The following MIA3 variants were observed in gnomAD, a reference collection of about 807,000 sequenced individuals.
The protein encoded by MIA3 is MIA SH3 domain ER export factor 3, also known as transport and Golgi organization protein 1 homolog.
A neutral mutation model predicts 192.4 loss-of-function variants in MIA3; 90 were observed. The ratio of observed to expected loss-of-function variants is 0.47; its 90% confidence interval spans 0.39 to 0.56. The LOEUF (loss-of-function observed/expected upper bound fraction) is 0.56. Among genes scored for constraint, MIA3 ranks in the 20% least tolerant of loss-of-function variants. The pLI, the probability that MIA3 is intolerant of heterozygous loss-of-function variation, is 0.00. For synonymous variants in MIA3, 740 were observed against 792.8 expected (o/e 0.93, Z 1.12); for missense variants, 2,123 against 2,269.4 (o/e 0.94, Z 1.31).
chr1:222,667,275 A>AAAT lies in MIA3; in HGVS notation c.*1657_*1659dup, dbSNP rs1415433310. On this transcript the variant is annotated 3_prime_UTR_variant, in exon 28 of 28. Coordinates refer to ENST00000344922, the MANE Select transcript of MIA3 (RefSeq NM_198551.4). ...TCCCGTTTAATATCAAGAATAGAAG[A>AAAT]AATTAAGAGGAAAACTCCACAGAAG... is the stretch of plus-strand genomic sequence containing the variant. The AAAT allele has an allele frequency of 6.6e-6, 1 of 152,206 alleles. No homozygotes were observed. Among genetic ancestry groups the AAAT allele is most frequent in the Non-Finnish European group, 1.5e-5 (1 of 68,010 alleles). 9.4% of individuals were successfully genotyped at this position (152,206 alleles called of 1,614,324 possible). A position where few individuals can be genotyped will look rare whatever the true frequency, so the allele number is the denominator to read the frequency against.
intron 3 of MIA3, among the ~76,000 whole-genome samples, 161 bp downstream of exon 3, chr1:222,625,015 CTT>C (rs566044781): frequency 2.1e-5 from 3 of 145,918 alleles, no homozygotes; most frequent in Admixed American, 6.9e-5. Flanking sequence ...GCTATGTACT[CTT>C]TTTTTTTTTT....
rs75351629 is a variant in MIA3, at chr1:222,629,990, C to A, written c.2770C>A (p.Leu924Ile). 1.4e-4 allele frequency: 221 copies of A among 1,614,108 alleles called. No individual in the cohort carries two copies. In the African/African-American group the frequency reaches 2.8e-3, roughly 20 times the overall value. ...PGHSDKREDL[L>I]IISSFFKEQQ... ...GCATAGTGACAAGAGGGAGGACTTA[C>A]TTATCATAAGCAGCTTCTTTAAAGA... Residue 924 changes from leucine to isoleucine, a missense_variant, in exon 4 of 28, where the codon CTT (leucine) becomes ATT (isoleucine). Physicochemically the swap from Leu to Ile is conservative, Grantham distance 5. This residue lies in a region of MIA3 where 1,357 missense variants were observed against 1,396.1 expected (regional missense o/e 0.97). Coordinates refer to ENST00000344922, the MANE Select transcript of MIA3 (RefSeq NM_198551.4).
Position 222,633,221 on chromosome 1 carries a change from A to G in MIA3, c.3449A>G (p.Tyr1150Cys). 6.2e-7 allele frequency: 1 copy of G among 1,610,100 alleles called. No homozygotes were observed. The highest frequency in any genetic ancestry group is 8.5e-7 in the Non-Finnish European group (1 of 1,178,710). The change falls in exon 6 of 28, where the codon TAT becomes TGT. Residue 1150 changes from tyrosine (Y) to cysteine (C), a missense_variant. This residue lies in a region of MIA3 where 1,357 missense variants were observed against 1,396.1 expected (regional missense o/e 0.97). Transcript: ENST00000344922. ...TPLENAILLI[Y>C]SFMFYLTKSL... ...TTGGAAAACGCAATCCTTCTAATATATTCATTCATGTTTTATTTAACTAAG... is the reference window on the plus strand; with the variant it reads ...TTGGAAAACGCAATCCTTCTAATATGTTCATTCATGTTTTATTTAACTAAG...
At chr1:222,640,389 A>T (rs1314812689) in intron 6 of MIA3, among the ~76,000 whole-genome samples, 1 of 152,134 alleles carries the variant, frequency 6.6e-6, no homozygotes. Flanking sequence ...TAATTTCAAG[A>T]CTTACTATAA....
Position 222,665,628 on chromosome 1 carries a change from C to A in MIA3, c.*9C>A, listed in dbSNP as rs749795324. The A allele has an allele frequency of 6.4e-7, 1 of 1,553,714 alleles. No homozygotes were observed. Among genetic ancestry groups the A allele is most frequent in the South Asian group, 1.2e-5 (1 of 82,794 alleles). ...TAAAACAGAGCCCATAAAACTATGA[C>A]CTCTGAGGTTTCATTGGAAAGAAAG... On this transcript the variant is annotated 3_prime_UTR_variant, in exon 28 of 28. Coordinates refer to ENST00000344922, the MANE Select transcript of MIA3 (RefSeq NM_198551.4).
At chr1:222,619,065 G>A (rs1479812232) in intron 1 of MIA3, among the ~76,000 whole-genome samples, 1 of 152,196 alleles carries the variant, frequency 6.6e-6, no homozygotes, top group Admixed American at 6.5e-5. Flanking sequence ...TCTTCTGTGC[G>A]CAGGAAGCGG....
rs1662035406 is a variant in MIA3 at position 222,624,810 on chromosome 1, G to A, written c.310G>A (p.Val104Ile). Residue 104 changes from valine to isoleucine, a missense_variant, in exon 3 of 28, where the codon GTA (valine) becomes ATA (isoleucine). Val to Ile is a conservative substitution (Grantham distance 29). Transcript: ENST00000344922. ...ATATTTTCCAAAAGATTTAATCCAGGTAGTTCATGAATATACCAAAGAAGA... is the reference window on the plus strand; with the variant it reads ...ATATTTTCCAAAAGATTTAATCCAGATAGTTCATGAATATACCAAAGAAGA... Reference protein sequence around the residue: ...FGYFPKDLIQVVHEYTKEELQ... With the variant: ...FGYFPKDLIQIVHEYTKEELQ... The A allele has an allele frequency of 1.2e-6, 2 of 1,603,092 alleles. No homozygotes were observed. Among genetic ancestry groups the A allele is most frequent in the East Asian group, 4.5e-5 (2 of 44,682 alleles).
intron 3 of MIA3, among the ~76,000 whole-genome samples, chr1:222,625,761 G>A (rs1434799178): frequency 6.6e-6 from 1 of 150,980 alleles, no homozygotes; most frequent in Non-Finnish European, 1.5e-5. Context: ...TTTTGAGACA[G>A]AGTCTCTCTC....
chr1:222,632,062 T>C lies in MIA3; in HGVS notation c.3170-103T>C. The C allele has an allele frequency of 3.2e-6, 3 of 950,196 alleles. No individual in the cohort carries two copies. In the South Asian group the frequency reaches 5.4e-5, roughly 17 times the overall value. 58.9% of individuals were successfully genotyped at this position (950,196 alleles called of 1,614,324 possible). A position where few individuals can be genotyped will look rare whatever the true frequency, so the allele number is the denominator to read the frequency against. ...CCAGTTGTGCTCCATGGGATGCCCA[T>C]GCATGGAGGTCAATGTTGAGGTGCC... is the stretch of plus-strand genomic sequence containing the variant. On this transcript the variant is annotated intron_variant, in intron 4 of 27. Coordinates refer to ENST00000344922, the MANE Select transcript of MIA3 (RefSeq NM_198551.4).
chr1:222,636,565 T>G (rs1662634691), intron 6 of MIA3, among the ~76,000 whole-genome samples: 2 of 143,342 alleles, frequency 1.4e-5, no homozygotes, highest in Non-Finnish European at 3.0e-5. Flanking sequence ...CAGGCTAGAG[T>G]GCTGCGGTGC....
chr1:222,656,838 C>T (rs371381752), intron 18 of MIA3, among the ~76,000 whole-genome samples: 1 of 152,206 alleles, frequency 6.6e-6, no homozygotes, highest in South Asian at 2.1e-4. Context: ...GTTGTCTAAT[C>T]TGCTAAAATC....
In MIA3 at chr1:222,627,705, T is replaced by A; in HGVS notation, c.485T>A (p.Leu162Ter). ...TCTGAGAAAGCTGTAGAAAAAACTT[T>A]ACAGGATATGGAAAAAAACCCTGAA... ...TDSEKAVEKT[L>*]QDMEKNPELS... Residue 162 changes from leucine to a stop codon, truncating the protein, a stop_gained, in exon 4 of 28, where the codon TTA (leucine) becomes TAA (stop). Coordinates refer to ENST00000344922, the MANE Select transcript of MIA3 (RefSeq NM_198551.4). LOFTEE classifies it high-confidence loss of function. 1 of 1,613,788 alleles carries A rather than the reference T, an allele frequency of 6.2e-7. No individual in the cohort carries two copies. Among genetic ancestry groups the A allele is most frequent in the Non-Finnish European group, 8.5e-7 (1 of 1,179,968 alleles).
chr1:222,631,236 C>T (rs1029575167), intron 4 of MIA3, among the ~76,000 whole-genome samples: 2 of 152,012 alleles, frequency 1.3e-5, no homozygotes, highest in African/African-American at 4.8e-5. Flanking sequence ...AACCTCCCAT[C>T]TCAGCCTCCT....
intron 26 of MIA3, chr1:222,662,957 C>G (rs1265252736): frequency 1.3e-5 from 2 of 154,646 alleles, no homozygotes; most frequent in African/African-American, 4.8e-5. Flanking sequence ...ACCCGTTGAG[C>G]CAGTTCCCAG....
At position 222,634,918 on chromosome 1, in the gene MIA3, T is replaced by C. The variant is rs1319622952; in HGVS notation, c.3477+1669T>C. 2.0e-5 allele frequency among the ~76,000 whole-genome samples: 3 copies of C among 152,344 alleles called. No homozygotes were observed. The East Asian group carries it at 5.8e-4, about 29-fold the overall frequency. Reference sequence around the variant, plus strand: ...TCTGAAAAATTTAGATAATACATACTCCAATTGTTGGTAAGAATTAAATGA... The same window carrying C: ...TCTGAAAAATTTAGATAATACATACCCCAATTGTTGGTAAGAATTAAATGA... On this transcript the variant is annotated intron_variant, in intron 6 of 27. Coordinates refer to ENST00000344922, the MANE Select transcript of MIA3 (RefSeq NM_198551.4).
chr1:222,663,053 C>T (rs1664103374), intron 26 of MIA3: 1 of 152,180 alleles, frequency 6.6e-6, no homozygotes, highest in East Asian at 1.9e-4. Context: ...GATCATACCT[C>T]ACTGTGATTC....
At position 222,652,326 on chromosome 1, in the gene MIA3, A is replaced by G; in HGVS notation, c.4080A>G (p.Lys1360=). The part of the protein sequence containing the change: ...QEENARLKKK[K]EQLQQEIEDW... ...AAAATGCTAGGCTTAAGAAGAAAAA[A>G]GAGCAGGTAAAGGAAAGTGCGTGTC... is the stretch of plus-strand genomic sequence containing the variant. Residue 1360 remains lysine (K), a synonymous_variant, in exon 13 of 28, where the codon AAA becomes AAG. Coordinates refer to ENST00000344922, the MANE Select transcript of MIA3 (RefSeq NM_198551.4). The G allele has an allele frequency of 6.2e-7, 1 of 1,610,724 alleles. No individual in the cohort carries two copies. The highest frequency in any genetic ancestry group is 8.5e-7 in the Non-Finnish European group (1 of 1,176,980).
At position 222,628,081 on chromosome 1, in the gene MIA3, A is replaced by G. The variant is rs757957264; in HGVS notation, c.861A>G (p.Val287=). The change falls in exon 4 of 28, where the codon GTA becomes GTG. Residue 287 remains valine, a synonymous_variant. Coordinates refer to ENST00000344922, the MANE Select transcript of MIA3 (RefSeq NM_198551.4). ...TTGGCTCAACAGCTGATGCACTTGTATCTGATGATGAGACAACCAGACTCG... is the reference window on the plus strand; with the variant it reads ...TTGGCTCAACAGCTGATGCACTTGTGTCTGATGATGAGACAACCAGACTCG... ...TKFGSTADAL[V]SDDETTRLVT... is the part of the protein sequence containing the mutation. 2 of 1,614,022 alleles carry G rather than the reference A, an allele frequency of 1.2e-6. No individual in the cohort carries two copies. The highest frequency in any genetic ancestry group is 1.3e-5 in the African/African-American group (1 of 74,932).
At chr1:222,650,136 A>G (rs765062267) in intron 8 of MIA3, 156 bp from the exon 9 acceptor site, 61 of 655,538 alleles carry the variant, frequency 9.3e-5, no homozygotes, top group Admixed American at 3.1e-4. Flanking sequence ...ATGGAGACAC[A>G]GAACCAAACC....
Sources: allele counts gnomAD v4.1 joint callset (sites outside exome capture counted in the v4.1 genomes callset), GRCh38; gene constraint gnomAD v4.1.1; regional missense constraint gnomAD v4.1.1; transcripts MANE v1.5; gene names NCBI Gene and HGNC (gene_info 2026-07-23, HGNC 2026-07-21).